Variants in TTLL7 observed in about 807,000 individuals in gnomAD.
TTLL7 encodes tubulin polyglutamylase TTLL7.
A neutral mutation model predicts 120.2 loss-of-function variants in TTLL7; 53 were observed. That is an observed-to-expected ratio of 0.44 (90% CI 0.35 to 0.55). The LOEUF is 0.55. Ranked by LOEUF, TTLL7 falls within the 20% of genes least tolerant of loss-of-function variation. The pLI is 0.00. For missense variants in TTLL7, 803 were observed against 1,054.7 expected (o/e 0.76, Z 3.31); for synonymous variants, 353 against 351.7 (o/e 1.00, Z -0.04).
At chr1:83,871,297 G>C (rs1276216577) in intron 20 of TTLL7, among the ~76,000 whole-genome samples, 2 of 152,138 alleles carry the variant, frequency 1.3e-5, no homozygotes, top group African/African-American at 4.8e-5. Context: ...GACATTGCAA[G>C]TGAAAGATTG....
Position 83,904,063 on chromosome 1 carries a change from T to G in TTLL7, c.2208+16A>C. The G allele has an allele frequency of 6.2e-7, 1 of 1,606,382 alleles. No individual in the cohort carries two copies. The highest frequency in any genetic ancestry group is 8.5e-7 in the Non-Finnish European group (1 of 1,174,278). On this transcript the variant is annotated intron_variant, in intron 18 of 20. Transcript: ENST00000260505. Reference sequence around the variant, plus strand: ...ATAATCCAAGAGGGAAAAAACTTGTTTTGAGCATTACTCACTTTTCGTTGT... The same window carrying G: ...ATAATCCAAGAGGGAAAAAACTTGTGTTGAGCATTACTCACTTTTCGTTGT...
At chr1:83,987,037 G>C (rs1336994384) in intron 1 of TTLL7, among the ~76,000 whole-genome samples, 2 of 151,862 alleles carry the variant, frequency 1.3e-5, no homozygotes, top group African/African-American at 2.4e-5. Flanking sequence ...AAGAACACAA[G>C]ATCAACACAC....
At chr1:83,871,617 C>T (rs1054727974) in intron 20 of TTLL7, among the ~76,000 whole-genome samples, 8 of 152,032 alleles carry the variant, frequency 5.3e-5, no homozygotes, top group African/African-American at 7.2e-5. Context: ...AGGGATAGGC[C>T]GGGCGCGGTG....
intron 1 of TTLL7, among the ~76,000 whole-genome samples, chr1:83,987,725 C>T (rs575838459): frequency 6.6e-6 from 1 of 151,962 alleles, no homozygotes; most frequent in South Asian, 2.1e-4. Context: ...TTTTTGTGCA[C>T]CAAGGGACAC....
At chr1:83,934,587 G>C (rs1326811954) in intron 8 of TTLL7, among the ~76,000 whole-genome samples, 1 of 152,146 alleles carries the variant, frequency 6.6e-6, no homozygotes, top group Non-Finnish European at 1.5e-5. Flanking sequence ...ACTAGGGTGA[G>C]TTATTAACCC....
chr1:83,906,264 T>C lies in TTLL7; in HGVS notation c.2127+65A>G. 6 of 1,379,450 alleles carry C rather than the reference T, an allele frequency of 4.3e-6. No homozygotes were observed. In the Admixed American group the frequency reaches 1.3e-4, roughly 30 times the overall value. 85.5% of individuals were successfully genotyped at this position (1,379,450 alleles called of 1,614,324 possible). On this transcript the variant is annotated intron_variant, in intron 17 of 20. Transcript: ENST00000260505. ...GCATAATGCCTTCAGGAAATAAATTTTAATATTTTAAGAAGAATAAAAAGG... is the reference window on the plus strand; with the variant it reads ...GCATAATGCCTTCAGGAAATAAATTCTAATATTTTAAGAAGAATAAAAAGG...
chr1:83,994,556 G>C (rs1179784436), intron 1 of TTLL7, among the ~76,000 whole-genome samples: 1 of 152,216 alleles, frequency 6.6e-6, no homozygotes. Flanking sequence ...TCTGGTGGAA[G>C]GATACTGGGA....
chr1:83,906,928 A>T (rs1657243135), intron 16 of TTLL7, among the ~76,000 whole-genome samples: 1 of 152,188 alleles, frequency 6.6e-6, no homozygotes, highest in South Asian at 2.1e-4. Context: ...TCTAAAAGTA[A>T]GCCTTCTTAC....
At chr1:83,873,239 T>C (rs1006455948) in intron 20 of TTLL7, among the ~76,000 whole-genome samples, 1 of 152,192 alleles carries the variant, frequency 6.6e-6, no homozygotes, top group Admixed American at 6.6e-5. Context: ...AAAATTACAT[T>C]GGAAGAAACA....
intron 1 of TTLL7, among the ~76,000 whole-genome samples, chr1:83,977,733 T>TATTTAA (rs1220428645): frequency 5.9e-5 from 9 of 152,182 alleles, no homozygotes; most frequent in East Asian, 3.8e-4. Flanking sequence ...AGCATGCTAC[T>TATTTAA]ATTTAAATTT....
intron 20 of TTLL7, among the ~76,000 whole-genome samples, chr1:83,881,738 G>A (rs1427145857): frequency 6.6e-6 from 1 of 151,112 alleles, no homozygotes; most frequent in African/African-American, 2.4e-5. Context: ...CCATTACTGG[G>A]TATATACCCA....
At position 83,985,790 on chromosome 1, in the gene TTLL7, G is replaced by A. The variant is rs571408198; in HGVS notation, c.-177+13141C>T. ...AGGGAAAATTATGAATAACTTTACT[G>A]TTATGAATTCAACAACTTAGCAAAA... is the stretch of plus-strand genomic sequence containing the variant. On this transcript the variant is annotated intron_variant, in intron 1 of 20. Coordinates refer to ENST00000260505, the MANE Select transcript of TTLL7 (RefSeq NM_024686.6). Among the ~76,000 whole-genome samples, 3 of 152,122 alleles carry A rather than the reference G, an allele frequency of 2.0e-5. No homozygotes were observed. The East Asian group carries it at 5.8e-4, about 29-fold the overall frequency.
intron 20 of TTLL7, among the ~76,000 whole-genome samples, chr1:83,871,253 T>C (rs1054611178): frequency 6.6e-6 from 1 of 152,070 alleles, no homozygotes; most frequent in Non-Finnish European, 1.5e-5. Context: ...ATGAGTTATG[T>C]TTTGTTTTCA....
intron 19 of TTLL7, among the ~76,000 whole-genome samples, chr1:83,889,026 T>C (rs1025105959): frequency 6.6e-6 from 1 of 152,030 alleles, no homozygotes; most frequent in Admixed American, 6.6e-5. Context: ...TATTAGTCCA[T>C]TCTCGCACTG....
chr1:83,935,275 A>T lies in TTLL7; in HGVS notation c.889-1509T>A, dbSNP rs367889385. ...CTTTGACTGATAAGTATCTGTATGG[A>T]ACAGTACGGGCTGAGAGAGGGGGTG... On this transcript the variant is annotated intron_variant, in intron 8 of 20. Coordinates refer to ENST00000260505, the MANE Select transcript of TTLL7 (RefSeq NM_024686.6). 2.6e-5 allele frequency among the ~76,000 whole-genome samples: 4 copies of T among 152,284 alleles called. No homozygotes were observed. In the South Asian group the frequency reaches 8.3e-4, roughly 32 times the overall value.
At chr1:83,978,189 C>T (rs1651660128) in intron 1 of TTLL7, among the ~76,000 whole-genome samples, 1 of 152,106 alleles carries the variant, frequency 6.6e-6, no homozygotes, top group South Asian at 2.1e-4. Flanking sequence ...TCTAAGGCAG[C>T]TGCTGAGGTA....
chr1:83,871,181 A>T (rs917234531), intron 20 of TTLL7, among the ~76,000 whole-genome samples: 4 of 151,856 alleles, frequency 2.6e-5, no homozygotes, highest in African/African-American at 9.7e-5. Flanking sequence ...ACGCCCAGCT[A>T]ATTTTTTTCT....
intron 10 of TTLL7, among the ~76,000 whole-genome samples, chr1:83,926,507 T>C (rs183083448): frequency 2.6e-5 from 4 of 152,200 alleles, no homozygotes; most frequent in Admixed American, 2.6e-4. Context: ...GGAGTAAGAC[T>C]GACACAGAAG....
At chr1:83,923,053 C>T (rs879861805) in intron 10 of TTLL7, among the ~76,000 whole-genome samples, 1 of 150,614 alleles carries the variant, frequency 6.6e-6, no homozygotes, top group Non-Finnish European at 1.5e-5. Flanking sequence ...AGTCCACTGG[C>T]ATTTTCAATG....
Sources: gnomAD v4.1 joint callset for allele counts (sites outside exome capture counted in the v4.1 genomes callset) on GRCh38, gnomAD v4.1.1 for gene constraint, MANE v1.5 for transcripts, NCBI Gene and HGNC (gene_info 2026-07-23, HGNC 2026-07-21) for gene names.